The following FANCI variants were observed in gnomAD, a reference collection of about 807,000 sequenced individuals.
The protein encoded by FANCI is Fanconi anemia group I protein.
In FANCI, 156 loss-of-function variants were observed where a neutral mutation model predicts 176.1. That is an observed-to-expected ratio of 0.89 (90% CI 0.78 to 1.01). The LOEUF (loss-of-function observed/expected upper bound fraction) is 1.01, where lower values mean the gene tolerates loss of function less well. FANCI is among the 50% of genes least tolerant of loss of function. The pLI is 0.00. For missense variants in FANCI, 1,678 were observed against 1,534.1 expected (o/e 1.09, Z -1.57); for synonymous variants, 613 against 541.7 (o/e 1.13, Z -1.83).
At position 89,247,716 on chromosome 15, in the gene FANCI, C is replaced by G. The variant is rs1284415359; in HGVS notation, c.69C>G (p.Thr23=). 3 of 1,613,734 alleles carry G rather than the reference C, an allele frequency of 1.9e-6. No homozygotes were observed. In the Admixed American group the frequency reaches 5.0e-5, roughly 27 times the overall value. The change falls in exon 2 of 38, where the codon ACC becomes ACG. Residue 23 remains threonine (T), a synonymous_variant. Coordinates refer to ENST00000310775, the MANE Select transcript of FANCI (RefSeq NM_001113378.2). The part of the protein sequence containing the change: ...TADKLQEFLQ[T]LREGDLTNLL... Reference sequence around the variant, plus strand: ...ACAAACTGCAAGAATTTCTTCAAACCCTGAGAGAAGGTGATGTGAGTATTA... The same window carrying G: ...ACAAACTGCAAGAATTTCTTCAAACGCTGAGAGAAGGTGATGTGAGTATTA...
Position 89,303,867 on chromosome 15 carries a change from G to A in FANCI, c.3010G>A (p.Val1004Met), listed in dbSNP as rs1452695765. ...KLLEPSSPQFVQMLSWTSKIC... is the reference protein window; with the variant it reads ...KLLEPSSPQFMQMLSWTSKIC... ...ATCTGAATGATCTCTAATTTAGTTT[G>A]TGCAGATGTTATCCTGGACATCAAA... The change falls in exon 28 of 38, where the codon GTG becomes ATG. Residue 1004 changes from valine to methionine, a missense_variant. By Grantham distance (21) the Val-to-Met change is conservative (BLOSUM62 1). This residue lies in a region of FANCI where 1,204 missense variants were observed against 1,077.4 expected (regional missense o/e 1.12). Transcript: ENST00000310775. 3.1e-6 allele frequency: 5 copies of A among 1,613,552 alleles called. No individual in the cohort carries two copies. The highest frequency in any genetic ancestry group is 1.1e-5 in the South Asian group (1 of 91,064).
At chr15:89,263,320 C>T (rs913719808) in intron 6 of FANCI, 99 bp from the exon 7 acceptor site, 2 of 957,402 alleles carry the variant, frequency 2.1e-6, no homozygotes, top group African/African-American at 3.2e-5. Context: ...ATTGCAAAAT[C>T]AAACTTGAAT....
intron 35 of FANCI, among the ~76,000 whole-genome samples, 165 bp downstream of exon 35, chr15:89,313,137 GC>G (rs1209182450): frequency 3.3e-5 from 5 of 149,254 alleles, no homozygotes; most frequent in Non-Finnish European, 7.5e-5. Flanking sequence ...GTAGCGTAGA[GC>G]TAGGTGGGTT....
At chr15:89,279,167 TG>T (rs1439093666) in intron 14 of FANCI, among the ~76,000 whole-genome samples, 1 of 152,036 alleles carries the variant, frequency 6.6e-6, no homozygotes, top group African/African-American at 2.4e-5. Flanking sequence ...TTGTTGTTGT[TG>T]TTGTTTCTTT....
At chr15:89,297,763 G>A (rs1169796135) in intron 24 of FANCI, among the ~76,000 whole-genome samples, 6 of 148,080 alleles carry the variant, frequency 4.1e-5, no homozygotes, top group Admixed American at 6.7e-5. Flanking sequence ...GAGGGAGACC[G>A]TGGGGAGAGG....
chr15:89,297,432 C>G lies in FANCI; in HGVS notation c.2636+2338C>G, dbSNP rs1374525965. Among the ~76,000 whole-genome samples the G allele has an allele frequency of 2.6e-5, 4 of 152,016 alleles. No individual in the cohort carries two copies. In the East Asian group the frequency reaches 5.8e-4, roughly 22 times the overall value. ...GGCGGCTGGGAGGTGGAGGTTGTAG[C>G]GAGCCGAGATCACGCCACTGCACTC... On this transcript the variant is annotated intron_variant, in intron 24 of 37. Transcript: ENST00000310775.
At chr15:89,298,455 A>G (rs1449604247) in intron 24 of FANCI, among the ~76,000 whole-genome samples, 1 of 152,244 alleles carries the variant, frequency 6.6e-6, no homozygotes, top group South Asian at 2.1e-4. Flanking sequence ...AACAGACAAC[A>G]TGTCAAAAGA....
chr15:89,261,454 A>G (rs2151264932), intron 4 of FANCI, 131 bp from the exon 5 acceptor site: 1 of 1,158,850 alleles, frequency 8.6e-7, no homozygotes, highest in South Asian at 1.3e-5. Flanking sequence ...GAATGATTCC[A>G]TAAATCCCTT....
intron 34 of FANCI, 42 bp downstream of exon 34, chr15:89,307,714 G>T: frequency 6.2e-7 from 1 of 1,614,056 alleles, no homozygotes; most frequent in African/African-American, 1.3e-5. Flanking sequence ...CTTCAAGAAA[G>T]GATTTCTTAC....
intron 23 of FANCI, among the ~76,000 whole-genome samples, chr15:89,294,200 G>A (rs1006194538): frequency 6.6e-6 from 1 of 152,220 alleles, no homozygotes; most frequent in Non-Finnish European, 1.5e-5. Flanking sequence ...ATGAGAAACA[G>A]TGGGCCAATA....
chr15:89,317,227 C>G, downstream of FANCI: 1 of 711,596 alleles, frequency 1.4e-6, no homozygotes, highest in South Asian at 1.6e-5. Flanking sequence ...ACTCTGGACA[C>G]AGGGCACCTT....
At chr15:89,301,170 T>C (rs1215808332) in intron 26 of FANCI, among the ~76,000 whole-genome samples, 156 bp from the exon 27 acceptor site, 3 of 152,244 alleles carry the variant, frequency 2.0e-5, no homozygotes, top group African/African-American at 7.2e-5. Flanking sequence ...AAACTACTGC[T>C]CAATTCAGGT....
chr15:89,243,987 T>C lies in FANCI; in HGVS notation c.-66T>C, dbSNP rs2150998163. On this transcript the variant is annotated 5_prime_UTR_variant, in exon 1 of 38. Coordinates refer to ENST00000310775, the MANE Select transcript of FANCI (RefSeq NM_001113378.2). ...ATCTTGTTGTTACGGGTAACGGAAG[T>C]GTGGCGGCGTTGGGTTGAGCGGGCT... The C allele has an allele frequency of 6.6e-6, 1 of 152,606 alleles. No individual in the cohort carries two copies. The highest frequency in any genetic ancestry group is 2.4e-5 in the African/African-American group (1 of 41,532). The allele number at this position is 152,606 out of a possible 1,614,324, so 9.5% of individuals were successfully genotyped here.
At chr15:89,310,613 A>G (rs2054916968) in intron 34 of FANCI, among the ~76,000 whole-genome samples, 1 of 152,244 alleles carries the variant, frequency 6.6e-6, no homozygotes, top group African/African-American at 2.4e-5. Flanking sequence ...AGATGTATTT[A>G]ATGAGTGCCC....
intron 28 of FANCI, 146 bp downstream of exon 28, chr15:89,304,061 G>A: frequency 1.3e-6 from 1 of 770,248 alleles, no homozygotes; most frequent in South Asian, 1.5e-5. Context: ...AAGTCGAATT[G>A]TTGGCAAGAA....
intron 22 of FANCI, 133 bp from the exon 23 acceptor site, chr15:89,293,700 G>A: frequency 1.0e-6 from 1 of 960,086 alleles, no homozygotes; most frequent in Admixed American, 2.0e-5. Flanking sequence ...TTATATTAAT[G>A]AAGTTCTATT....
chr15:89,313,100 C>A (rs2151992984), intron 35 of FANCI, 128 bp downstream of exon 35: 2 of 960,882 alleles, frequency 2.1e-6, no homozygotes, highest in East Asian at 2.5e-5. Context: ...CAGAATAAAT[C>A]ATCTAAAAAG....
intron 26 of FANCI, among the ~76,000 whole-genome samples, chr15:89,301,058 T>G (rs902261833): frequency 1.3e-5 from 2 of 152,164 alleles, no homozygotes; most frequent in African/African-American, 4.8e-5. Context: ...CACCAGAAAT[T>G]GGGTACATAG....
At chr15:89,250,904 T>A in intron 2 of FANCI, among the ~76,000 whole-genome samples, 2 of 149,114 alleles carry the variant, frequency 1.3e-5, no homozygotes, top group African/African-American at 2.5e-5. Flanking sequence ...ATAAATAAAT[T>A]CCCAACTCAA....
Sources: allele counts gnomAD v4.1 joint callset (sites outside exome capture counted in the v4.1 genomes callset), GRCh38; gene constraint gnomAD v4.1.1; regional missense constraint gnomAD v4.1.1; transcripts MANE v1.5; gene names NCBI Gene and HGNC (gene_info 2026-07-23, HGNC 2026-07-21).